Variants in EHBP1 observed in about 807,000 individuals in gnomAD.
EHBP1 encodes EH domain-binding protein 1.
EHBP1 carries 55 observed loss-of-function variants against 144.0 expected under a neutral mutation model. The ratio of observed to expected loss-of-function variants is 0.38; its 90% confidence interval spans 0.31 to 0.48. The LOEUF (loss-of-function observed/expected upper bound fraction) is 0.48. Among genes scored for constraint, EHBP1 ranks in the 20% least tolerant of loss-of-function variants. The pLI, the probability that EHBP1 is intolerant of heterozygous loss-of-function variation, is 0.98. For synonymous variants in EHBP1, 469 were observed against 472.7 expected (o/e 0.99, Z 0.10); for missense variants, 1,200 against 1,364.2 (o/e 0.88, Z 1.90).
At chr2:62,753,498 A>T (rs1029859370) in intron 3 of EHBP1, among the ~76,000 whole-genome samples, 14 of 151,874 alleles carry the variant, frequency 9.2e-5, no homozygotes, top group African/African-American at 3.4e-4. Flanking sequence ...GCTCTTCTTG[A>T]GGAGTGTCTT....
intron 7 of EHBP1, among the ~76,000 whole-genome samples, chr2:62,833,584 A>G (rs891770878): frequency 1.3e-5 from 2 of 152,228 alleles, no homozygotes; most frequent in Non-Finnish European, 2.9e-5. Context: ...CAGAAAAAAG[A>G]TGCTTTCCAA....
chr2:63,015,069 A>T (rs910407248), intron 19 of EHBP1, among the ~76,000 whole-genome samples: 3 of 152,054 alleles, frequency 2.0e-5, no homozygotes, highest in Non-Finnish European at 4.4e-5. Context: ...TGATATAATA[A>T]CTCTTTCCGA....
chr2:63,036,497 G>A (rs1447714340), intron 19 of EHBP1, among the ~76,000 whole-genome samples: 1 of 151,910 alleles, frequency 6.6e-6, no homozygotes, highest in African/African-American at 2.4e-5. Flanking sequence ...ATAATAATCT[G>A]AAGGGAATTA....
Position 62,938,895 on chromosome 2 carries a change from A to C in EHBP1, c.1186-3823A>C, listed in dbSNP as rs79955217. Among the ~76,000 whole-genome samples the C allele has an allele frequency of 3.1e-3, 474 of 152,284 alleles. 3 individuals carry two copies. The highest frequency in any genetic ancestry group is 0.011 in the African/African-American group (451 of 41,560). On this transcript the variant is annotated intron_variant, in intron 10 of 22. Coordinates refer to ENST00000431489, the MANE Select transcript of EHBP1 (RefSeq NM_001142616.3). ...CCTTTGAAATTTCTAGAAGAGCCTC[A>C]AAAAATAGGAATTCCTGCTGATAAT...
chr2:63,005,971 A>G (rs2060020409), intron 19 of EHBP1, among the ~76,000 whole-genome samples: 1 of 152,004 alleles, frequency 6.6e-6, no homozygotes, highest in Admixed American at 6.6e-5. Flanking sequence ...AATTGAGTAT[A>G]GGAGCTGAGT....
intron 19 of EHBP1, among the ~76,000 whole-genome samples, chr2:63,019,815 A>T (rs1197170653): frequency 1.1e-5 from 1 of 87,172 alleles, no homozygotes. Context: ...AAGGATAGGG[A>T]AGGGAAGAGG....
intron 5 of EHBP1, among the ~76,000 whole-genome samples, chr2:62,779,571 A>G (rs1338817446): frequency 6.6e-6 from 1 of 152,208 alleles, no homozygotes. Context: ...CATTTGAATG[A>G]TAAATCAAAG....
intron 1 of EHBP1, among the ~76,000 whole-genome samples, chr2:62,684,437 A>G (rs2151735061): frequency 6.6e-6 from 1 of 152,284 alleles, no homozygotes; most frequent in South Asian, 2.1e-4. Context: ...CAGCAAGTTG[A>G]AAAGTCGGTT....
chr2:63,024,997 G>GA (rs112675485), intron 19 of EHBP1, among the ~76,000 whole-genome samples: 1,990 of 142,462 alleles, frequency 0.014, 24 homozygotes, highest in South Asian at 0.028. Flanking sequence ...TCCACTCTGG[G>GA]AAAAAAAAAA....
chr2:62,774,326 G>A (rs1238033650), intron 5 of EHBP1, among the ~76,000 whole-genome samples: 1 of 150,776 alleles, frequency 6.6e-6, no homozygotes, highest in African/African-American at 2.4e-5. Flanking sequence ...AGCCAAGATC[G>A]TGCTACTGCA....
At chr2:62,851,893 T>A (rs2048715214) in intron 7 of EHBP1, among the ~76,000 whole-genome samples, 1 of 152,158 alleles carries the variant, frequency 6.6e-6, no homozygotes, top group African/African-American at 2.4e-5. Flanking sequence ...AAGAAATTAC[T>A]TTGAATTAGT....
At chr2:62,987,841 C>A in intron 15 of EHBP1, 1 of 698,342 alleles carries the variant, frequency 1.4e-6, no homozygotes. Context: ...AATAACTATA[C>A]TAAAATACTG....
At chr2:62,690,377 G>T (rs188300821) in intron 1 of EHBP1, among the ~76,000 whole-genome samples, 4 of 151,990 alleles carry the variant, frequency 2.6e-5, no homozygotes, top group Non-Finnish European at 5.9e-5. Flanking sequence ...ACCTGGCCAA[G>T]ATGGTGAAAC....
intron 3 of EHBP1, among the ~76,000 whole-genome samples, chr2:62,754,662 T>C (rs1408646751): frequency 6.6e-6 from 1 of 152,204 alleles, no homozygotes; most frequent in Non-Finnish European, 1.5e-5. Flanking sequence ...TCCTGACTGC[T>C]CTGTCTACTC....
At chr2:62,843,038 A>G (rs186385758) in intron 7 of EHBP1, among the ~76,000 whole-genome samples, 1 of 152,230 alleles carries the variant, frequency 6.6e-6, no homozygotes. Flanking sequence ...CTGCAAGAGC[A>G]GTAATTTTCT....
At chr2:63,034,676 A>C (rs1332264255) in intron 19 of EHBP1, among the ~76,000 whole-genome samples, 1 of 151,958 alleles carries the variant, frequency 6.6e-6, no homozygotes, top group Non-Finnish European at 1.5e-5. Context: ...TAAGTAATTA[A>C]ATCAATCCTT....
intron 10 of EHBP1, among the ~76,000 whole-genome samples, chr2:62,911,465 T>C (rs951191795): frequency 6.6e-6 from 1 of 152,166 alleles, no homozygotes; most frequent in Admixed American, 6.5e-5. Flanking sequence ...TTTTATTTCA[T>C]TTTATCTTAT....
At chr2:63,005,032 G>T (rs2059982344) in intron 19 of EHBP1, among the ~76,000 whole-genome samples, 1 of 151,972 alleles carries the variant, frequency 6.6e-6, no homozygotes, top group Non-Finnish European at 1.5e-5. Flanking sequence ...ATAATGAGTT[G>T]GCACAGAAAA....
intron 4 of EHBP1, among the ~76,000 whole-genome samples, chr2:62,765,175 A>G (rs1312904586): frequency 6.6e-6 from 1 of 152,136 alleles, no homozygotes; most frequent in Non-Finnish European, 1.5e-5. Flanking sequence ...GCTCAGTAAT[A>G]TGGTTAATTA....
Sources: allele counts gnomAD v4.1 joint callset (sites outside exome capture counted in the v4.1 genomes callset), GRCh38; gene constraint gnomAD v4.1.1; transcripts MANE v1.5; gene names NCBI Gene and HGNC (gene_info 2026-07-23, HGNC 2026-07-21).